The following NAALADL2 variants were observed in gnomAD, a reference collection of about 807,000 sequenced individuals.
NAALADL2 encodes inactive N-acetylated-alpha-linked acidic dipeptidase-like protein 2.
In NAALADL2, 76 loss-of-function variants were observed where a neutral mutation model predicts 87.2. That is an observed-to-expected ratio of 0.87 (90% CI 0.72 to 1.05). The LOEUF is 1.05. Ranked by LOEUF, NAALADL2 falls within the 50% of genes least tolerant of loss-of-function variation. The pLI is 0.00. For synonymous variants in NAALADL2, 354 were observed against 331.0 expected, an observed-to-expected ratio of 1.07 and a Z score of -0.75; for missense variants, 1,089 against 945.8, an observed-to-expected ratio of 1.15 and a Z score of -1.99.
At chr3:174,446,122 C>A (rs1715031918) in intron 1 of NAALADL2, among the ~76,000 whole-genome samples, 1 of 152,080 alleles carries the variant, frequency 6.6e-6, no homozygotes, top group Non-Finnish European at 1.5e-5. Flanking sequence ...TGAATTTTCC[C>A]TAACTGCTTG....
chr3:174,578,094 A>C (rs1715742865), intron 2 of NAALADL2, among the ~76,000 whole-genome samples: 1 of 152,010 alleles, frequency 6.6e-6, no homozygotes, highest in Non-Finnish European at 1.5e-5. Context: ...GAACAAAGAG[A>C]AAAAAGGTTT....
At chr3:174,880,206 C>T (rs895821512) in intron 1 of NAALADL2, among the ~76,000 whole-genome samples, 5 of 152,008 alleles carry the variant, frequency 3.3e-5, no homozygotes, top group African/African-American at 7.2e-5. Flanking sequence ...ATGTACTCAA[C>T]GTATCTACCT....
At chr3:174,885,873 GTTGTTTTTTTTTTTTT>G (rs1730042285) in intron 1 of NAALADL2, among the ~76,000 whole-genome samples, 1 of 83,768 alleles carries the variant, frequency 1.2e-5, no homozygotes. Flanking sequence ...GCCAGTCCGA[GTTGTTTTTTTTTTTTT>G]TTTTTTTTTT....
intron 2 of NAALADL2, among the ~76,000 whole-genome samples, chr3:175,144,787 C>T (rs1395736055): frequency 6.6e-6 from 1 of 151,750 alleles, no homozygotes; most frequent in African/African-American, 2.4e-5. Context: ...TTTGATTTTG[C>T]CATTGTGTTT....
intron 2 of NAALADL2, among the ~76,000 whole-genome samples, chr3:175,218,368 C>T (rs1373772279): frequency 1.3e-5 from 2 of 152,158 alleles, no homozygotes; most frequent in African/African-American, 4.8e-5. Flanking sequence ...AAAATCTTAA[C>T]ACCCACTGAT....
chr3:175,098,933 T>C (rs1204437065), intron 2 of NAALADL2, among the ~76,000 whole-genome samples: 1 of 152,070 alleles, frequency 6.6e-6, no homozygotes, highest in Non-Finnish European at 1.5e-5. Flanking sequence ...AGTTTTTAAT[T>C]TATTGACACA....
At chr3:175,323,976 C>G (rs1323925484) in intron 4 of NAALADL2, among the ~76,000 whole-genome samples, 199 bp from the exon 5 acceptor site, 1 of 144,356 alleles carries the variant, frequency 6.9e-6, no homozygotes, top group Non-Finnish European at 1.5e-5. Flanking sequence ...TGAGATCACG[C>G]TACTGCACTC....
intron 5 of NAALADL2, among the ~76,000 whole-genome samples, chr3:175,398,490 TATG>T (rs992815140): frequency 1.3e-4 from 20 of 151,992 alleles, no homozygotes; most frequent in Middle Eastern, 3.2e-3. Flanking sequence ...CAAACTCTGT[TATG>T]TGCTTTAGGG....
At chr3:175,747,689 T>C (rs1384469129) in intron 12 of NAALADL2, among the ~76,000 whole-genome samples, 1 of 152,024 alleles carries the variant, frequency 6.6e-6, no homozygotes, top group Non-Finnish European at 1.5e-5. Flanking sequence ...ATAATTAGAC[T>C]CACATGTGAT....
rs1035692744 is a variant in NAALADL2 at position 174,690,544 on chromosome 3, C to A, written c.-114-47097C>A. Reference sequence around the variant, plus strand: ...GAACAGAAACTAATTTAACATTAACCTAAGCAAAATGTAATTAGGAGGCTA... The same window carrying A: ...GAACAGAAACTAATTTAACATTAACATAAGCAAAATGTAATTAGGAGGCTA... On this transcript the variant is annotated intron_variant, in intron 2 of 3. Coordinates refer to the NAALADL2 transcript ENST00000434257. Among the ~76,000 whole-genome samples the A allele has an allele frequency of 2.6e-5, 4 of 152,230 alleles. No homozygotes were observed. The South Asian group carries it at 8.3e-4, about 32-fold the overall frequency.
intron 10 of NAALADL2, among the ~76,000 whole-genome samples, chr3:175,603,848 G>A (rs1368016283): frequency 6.6e-6 from 1 of 152,032 alleles, no homozygotes; most frequent in Non-Finnish European, 1.5e-5. Context: ...ACAAAAATTA[G>A]CCAGGCTTTG....
At chr3:175,674,246 T>C (rs1211530247) in intron 11 of NAALADL2, among the ~76,000 whole-genome samples, 1 of 139,864 alleles carries the variant, frequency 7.1e-6, no homozygotes, top group Non-Finnish European at 1.5e-5. Context: ...CAACTGATAG[T>C]GTTTTTTTTT....
intron 11 of NAALADL2, among the ~76,000 whole-genome samples, chr3:175,669,844 A>C (rs1188070194): frequency 1.3e-5 from 2 of 151,988 alleles, no homozygotes; most frequent in Non-Finnish European, 2.9e-5. Flanking sequence ...AGAAATAGTA[A>C]TAGTGAAATA....
intron 11 of NAALADL2, among the ~76,000 whole-genome samples, chr3:175,645,771 G>A (rs1490281358): frequency 6.6e-6 from 1 of 152,124 alleles, no homozygotes; most frequent in Middle Eastern, 3.2e-3. Context: ...GCATCAGATA[G>A]TTTGAGATAG....
At chr3:174,895,553 G>A (rs1429909863) in intron 1 of NAALADL2, among the ~76,000 whole-genome samples, 1 of 151,954 alleles carries the variant, frequency 6.6e-6, no homozygotes, top group African/African-American at 2.4e-5. Context: ...TTCCAGTAAA[G>A]AAAAGCCTGG....
intron 1 of NAALADL2, among the ~76,000 whole-genome samples, chr3:174,892,120 C>T (rs1426974283): frequency 2.0e-5 from 3 of 151,984 alleles, no homozygotes; most frequent in South Asian, 2.1e-4. Context: ...TAATATGAGG[C>T]GGTAAAGACT....
intron 1 of NAALADL2, among the ~76,000 whole-genome samples, chr3:174,532,565 G>C (rs1411395169): frequency 1.3e-5 from 2 of 152,102 alleles, no homozygotes; most frequent in Non-Finnish European, 2.9e-5. Context: ...AAAGAGTACT[G>C]TTCTTGGGTG....
chr3:174,722,559 G>A (rs1007383047), intron 2 of NAALADL2, among the ~76,000 whole-genome samples: 1 of 152,024 alleles, frequency 6.6e-6, no homozygotes, highest in South Asian at 2.1e-4. Context: ...AAAATTAGCC[G>A]GGCGCTGTGG....
At chr3:175,339,308 G>A (rs1170407751) in intron 5 of NAALADL2, among the ~76,000 whole-genome samples, 1 of 152,162 alleles carries the variant, frequency 6.6e-6, no homozygotes, top group African/African-American at 2.4e-5. Context: ...CATCGGCTGA[G>A]TGCCATGTGA....
Sources: allele counts gnomAD v4.1 joint callset (sites outside exome capture counted in the v4.1 genomes callset), GRCh38; gene constraint gnomAD v4.1.1; transcripts MANE v1.5; gene names NCBI Gene and HGNC (gene_info 2026-07-23, HGNC 2026-07-21).